GPR141: variants seen among roughly 807,000 people sequenced by gnomAD.
GPR141 encodes the protein G protein-coupled receptor 141.
A neutral mutation model predicts 6.8 loss-of-function variants in GPR141; 6 were observed. That is an observed-to-expected ratio of 0.88 (90% CI 0.48 to 1.74). The LOEUF (loss-of-function observed/expected upper bound fraction) is 1.74, where lower values mean the gene tolerates loss of function less well. Among genes scored for constraint, GPR141 ranks in the 40% most tolerant of loss-of-function variants. The probability of loss-of-function intolerance (pLI) is 0.01; values close to 1 mark genes in which losing one functional copy is unlikely to be tolerated. For missense variants in GPR141, 372 were observed against 372.9 expected (o/e 1.00, Z 0.02); for synonymous variants, 140 against 142.3 (o/e 0.98, Z 0.11).
chr7:37,730,038 G>A (rs1811839194), intron 2 of GPR141: 1 of 152,078 alleles, frequency 6.6e-6, no homozygotes, highest in Non-Finnish European at 1.5e-5. Context: ...AAAATATTAC[G>A]GTCAGTTCAA....
chr7:37,727,180 A>G (rs1364672198), intron 2 of GPR141, among the ~76,000 whole-genome samples: 4 of 152,218 alleles, frequency 2.6e-5, no homozygotes, highest in African/African-American at 7.2e-5. Context: ...AGTTTAGCTC[A>G]GTGCTGGGTG....
chr7:37,708,974 C>T (rs570286325), intron 2 of GPR141, among the ~76,000 whole-genome samples: 1 of 152,242 alleles, frequency 6.6e-6, no homozygotes, highest in African/African-American at 2.4e-5. Flanking sequence ...TATTATTAAA[C>T]TATATTTTTA....
chr7:37,730,618 T>A (rs2131841677), intron 2 of GPR141, among the ~76,000 whole-genome samples: 1 of 152,340 alleles, frequency 6.6e-6, no homozygotes, highest in East Asian at 1.9e-4. Context: ...TTTTTGTGAC[T>A]GCAGGTGCTG....
At chr7:37,730,857 A>T (rs1745024018) in intron 2 of GPR141, among the ~76,000 whole-genome samples, 1 of 152,210 alleles carries the variant, frequency 6.6e-6, no homozygotes, top group Non-Finnish European at 1.5e-5. Flanking sequence ...TATGTGCTCA[A>T]TTTTTTAGCA....
intron 2 of GPR141, among the ~76,000 whole-genome samples, chr7:37,703,277 A>G (rs1810373282): frequency 6.6e-6 from 1 of 152,066 alleles, no homozygotes; most frequent in African/African-American, 2.4e-5. Flanking sequence ...TGTCTTCTCT[A>G]ATTGGCTGCC....
chr7:37,685,752 C>CTTT (rs35789715), intron 2 of GPR141, among the ~76,000 whole-genome samples, 169 bp downstream of exon 2: 4 of 113,142 alleles, frequency 3.5e-5, no homozygotes, highest in African/African-American at 1.0e-4. Context: ...CCTGGCAGCA[C>CTTT]TTTTTTTTTT....
At chr7:37,685,774 T>TTTA (rs1809481696) in intron 2 of GPR141, among the ~76,000 whole-genome samples, 191 bp downstream of exon 2, 1 of 150,266 alleles carries the variant, frequency 6.7e-6, no homozygotes, top group Non-Finnish European at 1.5e-5. Context: ...TTTTTTTTTT[T>TTTA]TTAAATAAGA....
intron 2 of GPR141, among the ~76,000 whole-genome samples, chr7:37,715,130 T>G (rs1446914741): frequency 6.6e-6 from 1 of 152,202 alleles, no homozygotes; most frequent in Non-Finnish European, 1.5e-5. Context: ...CTTATTTGAT[T>G]GTGTTTTAGA....
intron 2 of GPR141, among the ~76,000 whole-genome samples, chr7:37,694,608 A>G (rs1303075272): frequency 6.6e-6 from 1 of 152,242 alleles, no homozygotes; most frequent in Non-Finnish European, 1.5e-5. Context: ...TGGTTTATTT[A>G]GCTCATGGTT....
At chr7:37,739,642 A>T (rs2718038) in intron 2 of GPR141, among the ~76,000 whole-genome samples, 121,161 of 152,040 alleles carry the variant, frequency 0.8, 48,389 homozygotes, top group Middle Eastern at 0.85. Context: ...ACTGAGAGTA[A>T]TTGTGGAGCG....
chr7:37,692,027 G>C (rs1809795934), intron 2 of GPR141, among the ~76,000 whole-genome samples: 1 of 151,990 alleles, frequency 6.6e-6, no homozygotes. Flanking sequence ...TTTAAGTTCT[G>C]TGATACATGT....
intron 2 of GPR141, among the ~76,000 whole-genome samples, chr7:37,715,399 G>T (rs931880040): frequency 5.9e-5 from 9 of 152,128 alleles, no homozygotes; most frequent in African/African-American, 2.2e-4. Context: ...CAAAGTGCTG[G>T]GGACCACTGT....
At chr7:37,700,220 T>C (rs1345282512) in intron 2 of GPR141, among the ~76,000 whole-genome samples, 3 of 152,248 alleles carry the variant, frequency 2.0e-5, no homozygotes, top group South Asian at 4.1e-4. Flanking sequence ...TAAAATGATG[T>C]GATCAGATTG....
chr7:37,724,907 T>C (rs1253101860), intron 2 of GPR141, among the ~76,000 whole-genome samples: 2 of 152,114 alleles, frequency 1.3e-5, no homozygotes, highest in African/African-American at 4.8e-5. Context: ...AGTCTGCCTT[T>C]AGTAGTGCTG....
chr7:37,722,025 CTT>C (rs1811351188), intron 2 of GPR141, among the ~76,000 whole-genome samples: 1 of 152,124 alleles, frequency 6.6e-6, no homozygotes, highest in Non-Finnish European at 1.5e-5. Context: ...CAGAAATAAA[CTT>C]TTGACTTTAA....
chr7:37,727,338 T>C (rs1811684115), intron 2 of GPR141, among the ~76,000 whole-genome samples: 1 of 152,216 alleles, frequency 6.6e-6, no homozygotes, highest in African/African-American at 2.4e-5. Context: ...TTAGCTTTTC[T>C]TTTAAATCTT....
chr7:37,739,659 T>C (rs1456566763), intron 2 of GPR141, among the ~76,000 whole-genome samples: 2 of 152,166 alleles, frequency 1.3e-5, no homozygotes, highest in Non-Finnish European at 2.9e-5. Context: ...AGCGGATCTT[T>C]CAGGAGTCCA....
chr7:37,732,836 C>T (rs920133606), intron 2 of GPR141, among the ~76,000 whole-genome samples: 1 of 152,156 alleles, frequency 6.6e-6, no homozygotes, highest in Non-Finnish European at 1.5e-5. Context: ...TCCTGAGACG[C>T]AGATAAAACT....
At chr7:37,727,136 A>G (rs937226761) in intron 2 of GPR141, among the ~76,000 whole-genome samples, 7 of 152,220 alleles carry the variant, frequency 4.6e-5, no homozygotes, top group African/African-American at 1.7e-4. Context: ...TTGAAATAAC[A>G]TCTTTATGTG....
Sources: gnomAD v4.1 joint callset for allele counts (sites outside exome capture counted in the v4.1 genomes callset) on GRCh38, gnomAD v4.1.1 for gene constraint, MANE v1.5 for transcripts, NCBI Gene and HGNC (gene_info 2026-07-23, HGNC 2026-07-21) for gene names.